MCTP2: variants seen among roughly 807,000 people sequenced by gnomAD.
MCTP2 encodes the protein multiple C2 and transmembrane domain-containing protein 2.
In MCTP2, 132 loss-of-function variants were observed where a neutral mutation model predicts 111.6. The ratio of observed to expected loss-of-function variants is 1.18; its 90% CI spans 1.03 to 1.37. MCTP2 has a LOEUF of 1.37. MCTP2 is among the 40% of genes most tolerant of loss of function. The pLI, the probability that MCTP2 is intolerant of heterozygous loss-of-function variation, is 0.00. For missense variants in MCTP2, 1,183 were observed against 1,067.9 expected (o/e 1.11, Z -1.50); for synonymous variants, 395 against 387.7 (o/e 1.02, Z -0.22).
intron 1 of MCTP2, among the ~76,000 whole-genome samples, chr15:94,263,025 A>G (rs1053239676): frequency 1.3e-5 from 2 of 152,114 alleles, no homozygotes; most frequent in African/African-American, 2.4e-5. Flanking sequence ...AGGTGATTTC[A>G]TCTCTGCTTT....
At chr15:94,392,610 C>T (rs1416030731) in intron 14 of MCTP2, among the ~76,000 whole-genome samples, 2 of 151,890 alleles carry the variant, frequency 1.3e-5, no homozygotes, top group Admixed American at 6.6e-5. Context: ...GTCAGGAGTT[C>T]GAGACCAGCC....
chr15:94,300,230 G>A (rs932206744), intron 2 of MCTP2, among the ~76,000 whole-genome samples: 12 of 152,032 alleles, frequency 7.9e-5, no homozygotes, highest in African/African-American at 2.4e-4. Flanking sequence ...TGTCATGGCC[G>A]GGCACGGTGG....
chr15:94,380,456 G>GC (rs2080069986), intron 12 of MCTP2, among the ~76,000 whole-genome samples: 1 of 152,120 alleles, frequency 6.6e-6, no homozygotes, highest in Non-Finnish European at 1.5e-5. Flanking sequence ...CATTTATTAA[G>GC]CTATATGCTT....
chr15:94,256,517 A>G (rs980079568), intron 1 of MCTP2, among the ~76,000 whole-genome samples: 2 of 152,162 alleles, frequency 1.3e-5, no homozygotes, highest in Admixed American at 6.5e-5. Context: ...CTCCTTTCAG[A>G]TAGCCAGTCT....
At chr15:94,466,756 G>A (rs568120638) in intron 20 of MCTP2, among the ~76,000 whole-genome samples, 2 of 152,062 alleles carry the variant, frequency 1.3e-5, no homozygotes, top group South Asian at 4.2e-4. Flanking sequence ...AAGAGTTCTT[G>A]CAGTTTATTT....
At position 94,394,404 on chromosome 15, in the gene MCTP2, A is replaced by C. The variant is rs182852491; in HGVS notation, c.1789-4557A>C. 3.9e-5 allele frequency among the ~76,000 whole-genome samples: 6 copies of C among 152,284 alleles called. No individual in the cohort carries two copies. In the East Asian group the frequency reaches 1.2e-3, roughly 29 times the overall value. ...GCATTATTTTCATCTGCATTGTTTTAGCAATTGAAATGATCAAATACGAAT... is the reference window on the plus strand; with the variant it reads ...GCATTATTTTCATCTGCATTGTTTTCGCAATTGAAATGATCAAATACGAAT... On this transcript the variant is annotated intron_variant, in intron 14 of 22. Coordinates refer to ENST00000357742, the MANE Select transcript of MCTP2 (RefSeq NM_001385001.1).
At chr15:94,371,783 GC>G (rs1321513446) in intron 12 of MCTP2, among the ~76,000 whole-genome samples, 1 of 152,062 alleles carries the variant, frequency 6.6e-6, no homozygotes, top group African/African-American at 2.4e-5. Flanking sequence ...CCGCCTACTG[GC>G]TTCAAGCAAT....
intron 1 of MCTP2, among the ~76,000 whole-genome samples, chr15:94,241,786 TA>T (rs776625311): frequency 4.5e-4 from 67 of 147,416 alleles, no homozygotes; most frequent in Non-Finnish European, 5.6e-4. Context: ...ATACCCACTT[TA>T]AAAAAAAAAA....
intron 19 of MCTP2, among the ~76,000 whole-genome samples, chr15:94,453,064 CCA>C (rs1475819234): frequency 6.6e-6 from 1 of 152,134 alleles, no homozygotes; most frequent in Non-Finnish European, 1.5e-5. Context: ...ACCACAGGTC[CCA>C]GTTTTCCCAG....
intron 1 of MCTP2, among the ~76,000 whole-genome samples, chr15:94,264,304 G>A (rs569989382): frequency 6.6e-6 from 1 of 152,052 alleles, no homozygotes; most frequent in African/African-American, 2.4e-5. Context: ...TGTACAAGGG[G>A]TATAATAATA....
At chr15:94,396,082 CA>C (rs1468300019) in intron 14 of MCTP2, among the ~76,000 whole-genome samples, 2 of 152,072 alleles carry the variant, frequency 1.3e-5, no homozygotes, top group African/African-American at 4.8e-5. Flanking sequence ...GGCAAGTATA[CA>C]AAAATGTGTA....
Position 94,399,996 on chromosome 15 carries a change from G to T in MCTP2, c.1965+1G>T, listed in dbSNP as rs1286362552. The T allele has an allele frequency of 5.6e-6, 9 of 1,613,914 alleles. No individual in the cohort carries two copies. Among genetic ancestry groups the T allele is most frequent in the Non-Finnish European group, 7.6e-6 (9 of 1,179,844 alleles). Reference sequence around the variant, plus strand: ...AGACAGCCGCAAGCTGTCCAAAAAGGTGGGTCGCTACAGTAGGTGGCTTGT... The same window carrying T: ...AGACAGCCGCAAGCTGTCCAAAAAGTTGGGTCGCTACAGTAGGTGGCTTGT... On this transcript the variant is annotated splice_donor_variant, in intron 16 of 22. Transcript: ENST00000357742. LOFTEE classifies it high-confidence loss of function.
intron 14 of MCTP2, among the ~76,000 whole-genome samples, chr15:94,390,064 A>ATATG (rs2080797819): frequency 5.8e-5 from 1 of 17,358 alleles, no homozygotes; most frequent in Non-Finnish European, 1.2e-4. Flanking sequence ...ATATATATAT[A>ATATG]TATATATATA....
At chr15:94,438,844 ACT>A (rs2083619156) in intron 17 of MCTP2, among the ~76,000 whole-genome samples, 1 of 152,134 alleles carries the variant, frequency 6.6e-6, no homozygotes, top group South Asian at 2.1e-4. Flanking sequence ...ATGATTTATC[ACT>A]CTAGAAGTAT....
chr15:94,356,393 A>G, intron 9 of MCTP2, 92 bp downstream of exon 9: 1 of 1,231,214 alleles, frequency 8.1e-7, no homozygotes, highest in South Asian at 1.8e-5. Flanking sequence ...CAAAAGTAGA[A>G]GTAATTTATG....
chr15:94,477,169 T>A lies in MCTP2; in HGVS notation c.2568+376T>A, dbSNP rs189186431. On this transcript the variant is annotated intron_variant, in intron 22 of 22. Coordinates refer to ENST00000357742, the MANE Select transcript of MCTP2 (RefSeq NM_001385001.1). ...TTTTCTTCTTCCGGGTGGCAAGCAT[T>A]TTAGGGGAAGTAGGGGACAAAAGGA... Among the ~76,000 whole-genome samples the A allele has an allele frequency of 1.3e-3, 204 of 152,186 alleles. 1 individual carries two copies. Among genetic ancestry groups the A allele is most frequent in the African/African-American group, 4.8e-3 (199 of 41,518 alleles).
intron 19 of MCTP2, among the ~76,000 whole-genome samples, chr15:94,444,478 G>A (rs1374829313): frequency 6.6e-6 from 1 of 152,148 alleles, no homozygotes; most frequent in East Asian, 1.9e-4. Context: ...TCTAATCATG[G>A]GTGATTCTCC....
chr15:94,379,439 C>T (rs958314030), intron 12 of MCTP2, among the ~76,000 whole-genome samples: 1 of 152,000 alleles, frequency 6.6e-6, no homozygotes, highest in Non-Finnish European at 1.5e-5. Context: ...TGCTGTCCTC[C>T]CACGTCCCCC....
intron 19 of MCTP2, 143 bp from the exon 20 acceptor site, chr15:94,457,994 T>G: frequency 3.6e-6 from 2 of 558,022 alleles, no homozygotes; most frequent in African/African-American, 1.9e-5. Context: ...GGGGAGTCAA[T>G]ATTTAAGTTG....
Sources: allele counts gnomAD v4.1 joint callset (sites outside exome capture counted in the v4.1 genomes callset), GRCh38; gene constraint gnomAD v4.1.1; transcripts MANE v1.5; gene names NCBI Gene and HGNC (gene_info 2026-07-23, HGNC 2026-07-21).